SLC35F2: variants seen among roughly 807,000 people sequenced by gnomAD.
SLC35F2 encodes the protein queuine/queuosine transporter SLC35F2.
In SLC35F2, 25 loss-of-function variants were observed where a neutral mutation model predicts 38.1. The ratio of observed to expected loss-of-function variants is 0.66; its 90% CI spans 0.48 to 0.92. The LOEUF is 0.92. Among genes scored for constraint, SLC35F2 ranks in the 40% least tolerant of loss-of-function variants. SLC35F2 has a pLI of 0.00. For synonymous variants in SLC35F2, 173 were observed against 181.7 expected (o/e 0.95, Z 0.38); for missense variants, 409 against 452.9 (o/e 0.90, Z 0.88).
chr11:107,844,493 C>T (rs1860069566), intron 1 of SLC35F2, among the ~76,000 whole-genome samples: 1 of 148,918 alleles, frequency 6.7e-6, no homozygotes, highest in South Asian at 2.1e-4. Context: ...GGCCTGGTGG[C>T]ATGCACCTGT....
chr11:107,806,073 G>A (rs1294632204), intron 4 of SLC35F2, among the ~76,000 whole-genome samples: 7 of 152,108 alleles, frequency 4.6e-5, no homozygotes, highest in Non-Finnish European at 1.0e-4. Context: ...GTGAGCCACC[G>A]CACCCAACCT....
Position 107,819,418 on chromosome 11 carries a change from A to G in SLC35F2, c.111-3453T>C, listed in dbSNP as rs977813148. On this transcript the variant is annotated intron_variant, in intron 1 of 7. Coordinates refer to ENST00000525815, the MANE Select transcript of SLC35F2 (RefSeq NM_017515.5). ...GGAAATTTTCACCAAGATGAGCAAA[A>G]CGTTAAGGATTTCCTCCCCTACAGG... Among the ~76,000 whole-genome samples, 16 of 152,134 alleles carry G rather than the reference A, an allele frequency of 1.1e-4. 1 individual carries two copies. The highest frequency in any genetic ancestry group is 4.1e-4 in the South Asian group (2 of 4,822).
intron 1 of SLC35F2, chr11:107,821,729 C>G (rs758087700): frequency 1.6e-6 from 1 of 629,078 alleles, no homozygotes; most frequent in African/African-American, 2.0e-5. Flanking sequence ...ACTAACGGAA[C>G]CTCCACTAAA....
chr11:107,812,137 C>T (rs374307624), intron 2 of SLC35F2, among the ~76,000 whole-genome samples: 131 of 152,214 alleles, frequency 8.6e-4, no homozygotes, highest in African/African-American at 3.0e-3. Flanking sequence ...AACTCCTGAG[C>T]TCAAGTGATC....
At chr11:107,802,710 C>A (rs1859329324) in intron 7 of SLC35F2, among the ~76,000 whole-genome samples, 1 of 152,172 alleles carries the variant, frequency 6.6e-6, no homozygotes, top group Non-Finnish European at 1.5e-5. Flanking sequence ...CAGCTCTGGG[C>A]CAGCTTGTTT....
chr11:107,809,643 A>T, intron 3 of SLC35F2: 1 of 976,644 alleles, frequency 1.0e-6, no homozygotes, highest in Non-Finnish European at 1.2e-6. Flanking sequence ...GAAAAAAAAA[A>T]AGTATTCTTG....
chr11:107,839,153 C>A (rs1430354152), intron 1 of SLC35F2, among the ~76,000 whole-genome samples: 1 of 152,122 alleles, frequency 6.6e-6, no homozygotes, highest in Non-Finnish European at 1.5e-5. Context: ...ACAGGGAGAT[C>A]AATTGGTACA....
intron 1 of SLC35F2, among the ~76,000 whole-genome samples, chr11:107,830,118 T>C (rs1859814925): frequency 6.6e-6 from 1 of 151,592 alleles, no homozygotes; most frequent in Non-Finnish European, 1.5e-5. Context: ...AAAAAAAAAA[T>C]TGTAATTAAA....
chr11:107,814,733 T>C (rs1408966379), intron 2 of SLC35F2, among the ~76,000 whole-genome samples: 1 of 151,890 alleles, frequency 6.6e-6, no homozygotes, highest in Non-Finnish European at 1.5e-5. Flanking sequence ...GAAGCCAAGG[T>C]GGGAGGACTA....
intron 1 of SLC35F2, 64 bp downstream of exon 1, chr11:107,858,594 T>A (rs565138249): frequency 3.2e-6 from 4 of 1,232,226 alleles, no homozygotes; most frequent in African/African-American, 3.1e-5. Context: ...CTTGTCCACG[T>A]GCGCGCAGGG....
intron 2 of SLC35F2, among the ~76,000 whole-genome samples, chr11:107,814,568 G>C (rs1220738242): frequency 6.6e-6 from 1 of 152,034 alleles, no homozygotes; most frequent in Non-Finnish European, 1.5e-5. Flanking sequence ...TGTTCTGTTT[G>C]ATACTGTAAT....
At chr11:107,826,514 G>C (rs2134815574) in intron 1 of SLC35F2, among the ~76,000 whole-genome samples, 1 of 152,256 alleles carries the variant, frequency 6.6e-6, no homozygotes, top group East Asian at 1.9e-4. Flanking sequence ...AAAGTGCTGG[G>C]ATTACAGACA....
At chr11:107,795,637 C>T (rs919306318) in intron 7 of SLC35F2, among the ~76,000 whole-genome samples, 2 of 152,024 alleles carry the variant, frequency 1.3e-5, no homozygotes, top group African/African-American at 4.8e-5. Flanking sequence ...AACAAATAAT[C>T]CTATTAAAAA....
At chr11:107,815,165 G>T (rs1859547597) in intron 2 of SLC35F2, among the ~76,000 whole-genome samples, 1 of 152,000 alleles carries the variant, frequency 6.6e-6, no homozygotes, top group Admixed American at 6.6e-5. Flanking sequence ...ATTTTGGAGA[G>T]TAAGGTTCTT....
chr11:107,805,692 GTGTT>G (rs1436669510), intron 4 of SLC35F2, 177 bp from the exon 5 acceptor site: 1 of 982,900 alleles, frequency 1.0e-6, no homozygotes, highest in Non-Finnish European at 1.2e-6. Context: ...GTGTATGTGT[GTGTT>G]TGAGACAGTC....
chr11:107,808,611 C>T (rs997538812), intron 3 of SLC35F2, among the ~76,000 whole-genome samples: 6 of 152,160 alleles, frequency 3.9e-5, no homozygotes, highest in African/African-American at 1.2e-4. Flanking sequence ...ACAGCCCATT[C>T]GATCCTGTCC....
intron 1 of SLC35F2, among the ~76,000 whole-genome samples, chr11:107,835,913 C>G (rs1859922711): frequency 1.3e-5 from 2 of 152,146 alleles, no homozygotes; most frequent in South Asian, 4.1e-4. Flanking sequence ...CTAACCAAAT[C>G]TGGGATTCAT....
At position 107,815,796 on chromosome 11, in the gene SLC35F2, G is replaced by C. The variant is rs201626298; in HGVS notation, c.280C>G (p.Arg94Gly). The C allele has an allele frequency of 7.5e-6, 12 of 1,603,132 alleles. No individual in the cohort carries two copies. The South Asian group carries it at 1.2e-4, about 17-fold the overall frequency. The change falls in exon 2 of 8, where the codon CGA (arginine) becomes GGA (glycine). Residue 94 changes from arginine to glycine, a missense_variant. Transcript: ENST00000525815. ...ATTTCCACATTTGACATACCTGATC[G>C]AAATGCCAGCATCACTGTATAAATT... ...FLIYTVMLAF[R>G]SGSDNLLVIL...
chr11:107,830,559 G>C (rs1859822958), intron 1 of SLC35F2, among the ~76,000 whole-genome samples: 3 of 147,356 alleles, frequency 2.0e-5, no homozygotes, highest in African/African-American at 7.6e-5. Flanking sequence ...ACTCCAACCT[G>C]GGAGACAGAG....
Sources: allele counts gnomAD v4.1 joint callset (sites outside exome capture counted in the v4.1 genomes callset), GRCh38; gene constraint gnomAD v4.1.1; transcripts MANE v1.5; gene names NCBI Gene and HGNC (gene_info 2026-07-23, HGNC 2026-07-21).